USP39: variants seen among roughly 807,000 people sequenced by gnomAD.
USP39 encodes the protein ubiquitin carboxyl-terminal hydrolase 39.
USP39 carries 38 observed loss-of-function variants against 66.4 expected under a neutral mutation model. The ratio of observed to expected loss-of-function variants is 0.57; its 90% CI spans 0.44 to 0.75. The LOEUF is 0.75. Ranked by LOEUF, USP39 falls within the 30% of genes least tolerant of loss-of-function variation. USP39 has a pLI of 0.00. For missense variants in USP39, 608 were observed against 714.4 expected (o/e 0.85, Z 1.70); for synonymous variants, 303 against 274.6 (o/e 1.10, Z -1.02).
At chr2:85,613,865 C>T (rs1430237704), upstream of USP39, among the ~76,000 whole-genome samples, 2 of 152,150 alleles carry the variant, frequency 1.3e-5, no homozygotes, top group South Asian at 2.1e-4. Flanking sequence ...GCAGCCTCCA[C>T]CTCTCAGGCC....
chr2:85,619,366 A>G, intron 2 of USP39, 77 bp downstream of exon 2: 1 of 1,461,808 alleles, frequency 6.8e-7, no homozygotes, highest in Non-Finnish European at 9.4e-7. Context: ...TGTACAGTGA[A>G]CAACACATTG....
At chr2:85,632,281 T>C (rs1401417384) in intron 6 of USP39, among the ~76,000 whole-genome samples, 1 of 151,974 alleles carries the variant, frequency 6.6e-6, no homozygotes, top group Admixed American at 6.6e-5. Flanking sequence ...AAAGGTTGAG[T>C]GTGCTGGCAG....
upstream of USP39, among the ~76,000 whole-genome samples, chr2:85,612,962 C>CTTT (rs374731788): frequency 6.9e-6 from 1 of 144,732 alleles, no homozygotes; most frequent in African/African-American, 2.5e-5. Flanking sequence ...TGCCCGGCCC[C>CTTT]TTTTTTTTTT....
chr2:85,645,791 T>G (rs1676599202), intron 11 of USP39: 1 of 152,230 alleles, frequency 6.6e-6, no homozygotes, highest in Non-Finnish European at 1.5e-5. Flanking sequence ...CTTTTCTGTT[T>G]GATGTCTTTT....
At chr2:85,613,954 G>GT (rs1673745087), upstream of USP39, among the ~76,000 whole-genome samples, 3 of 149,258 alleles carry the variant, frequency 2.0e-5, no homozygotes, top group African/African-American at 7.7e-5. Context: ...TGTGGAGATG[G>GT]GGGGGGTCTC....
At chr2:85,637,346 T>C in intron 7 of USP39, 23 bp from the exon 8 acceptor site, 1 of 1,613,938 alleles carries the variant, frequency 6.2e-7, no homozygotes, top group Non-Finnish European at 8.5e-7. Flanking sequence ...ACGGAATTTG[T>C]CTCTTGCTTC....
At chr2:85,613,305 G>A (rs374616778), upstream of USP39, among the ~76,000 whole-genome samples, 76 of 152,140 alleles carry the variant, frequency 5.0e-4, 2 homozygotes, top group South Asian at 0.011. Flanking sequence ...TCAGGAGTTC[G>A]AGACTAGCCT....
At chr2:85,611,550 G>C, upstream of USP39, 1 of 1,551,058 alleles carries the variant, frequency 6.4e-7, no homozygotes, top group Middle Eastern at 1.7e-4. Context: ...TGGAGGTTCC[G>C]GAAAGAGACG....
chr2:85,632,204 G>T (rs1675402730), intron 6 of USP39, among the ~76,000 whole-genome samples: 1 of 152,156 alleles, frequency 6.6e-6, no homozygotes, highest in South Asian at 2.1e-4. Flanking sequence ...TTTTAGAGCA[G>T]CAGGGATAAG....
At position 85,639,290 on chromosome 2, in the gene USP39, C is replaced by T. The variant is rs1477416742; in HGVS notation, c.1183C>T (p.Leu395Phe). The change falls in exon 9 of 13, where the codon CTT becomes TTT. Residue 395 changes from leucine (L) to phenylalanine (F), a missense_variant. By Grantham distance (22) the Leu-to-Phe change is conservative. This residue lies in a region of USP39 where 164 missense variants were observed against 250.3 expected (regional missense o/e 0.66). Transcript: ENST00000323701. Reference protein sequence around the residue: ...ESTFMYLTLDLPTAPLYKDEK... With the variant: ...ESTFMYLTLDFPTAPLYKDEK... ...CACTTTTATGTACCTGACGCTGGACCTTCCTACTGCCCCCCTCTACAAGGA... is the reference window on the plus strand; with the variant it reads ...CACTTTTATGTACCTGACGCTGGACTTTCCTACTGCCCCCCTCTACAAGGA... 6.2e-7 allele frequency: 1 copy of T among 1,613,878 alleles called. No homozygotes were observed. The highest frequency in any genetic ancestry group is 8.5e-7 in the Non-Finnish European group (1 of 1,180,024).
At chr2:85,606,900 GC>G (rs1175674131) in intron 1 of USP39, 1 of 151,790 alleles carries the variant, frequency 6.6e-6, no homozygotes, top group African/African-American at 2.4e-5. Context: ...TCTTGCCTCG[GC>G]CTCCCGAGTA....
upstream of USP39, chr2:85,611,612 G>C (rs1057965): frequency 1.3e-6 from 2 of 1,557,776 alleles, no homozygotes; most frequent in South Asian, 1.2e-5. Flanking sequence ...TAGAGAAGGG[G>C]AGTGCGTTGC....
At chr2:85,637,340 A>C in intron 7 of USP39, 29 bp from the exon 8 acceptor site, 2 of 1,613,068 alleles carry the variant, frequency 1.2e-6, no homozygotes, top group Non-Finnish European at 1.7e-6. Context: ...ATCCTCACGG[A>C]ATTTGTCTCT....
At chr2:85,619,886 T>G (rs1003364122) in intron 2 of USP39, among the ~76,000 whole-genome samples, 10 of 151,660 alleles carry the variant, frequency 6.6e-5, no homozygotes, top group African/African-American at 2.2e-4. Flanking sequence ...TGGAGTTTCA[T>G]TTTTGTCCCC....
At chr2:85,641,241 C>T (rs927507052) in intron 10 of USP39, 123 bp downstream of exon 10, 1 of 1,196,566 alleles carries the variant, frequency 8.4e-7, no homozygotes. Context: ...AGCCTACCTA[C>T]AGTAGATAAG....
intron 10 of USP39, among the ~76,000 whole-genome samples, chr2:85,641,373 A>G (rs1676222304): frequency 6.6e-6 from 1 of 152,224 alleles, no homozygotes; most frequent in Non-Finnish European, 1.5e-5. Context: ...TCCTGCGTAG[A>G]GAAGAAGAAA....
chr2:85,630,893 T>A lies in USP39; in HGVS notation c.896T>A (p.Met299Lys). 2 of 1,614,234 alleles carry A rather than the reference T, an allele frequency of 1.2e-6. No individual in the cohort carries two copies. Among genetic ancestry groups the A allele is most frequent in the Non-Finnish European group, 1.7e-6 (2 of 1,180,046 alleles). The change falls in exon 6 of 13, where the codon ATG (methionine) becomes AAG (lysine). Residue 299 changes from methionine to lysine, a missense_variant. Coordinates refer to ENST00000323701, the MANE Select transcript of USP39 (RefSeq NM_006590.4). ...AAGGCACATGTGTCTCCCCATGAGA[T>A]GCTTCAGGCAGTTGTACTTTGCAGT... ...NFKAHVSPHE[M>K]LQAVVLCSKK...
At chr2:85,614,054 C>T (rs1053417591), upstream of USP39, among the ~76,000 whole-genome samples, 11 of 151,988 alleles carry the variant, frequency 7.2e-5, no homozygotes, top group Admixed American at 2.0e-4. Flanking sequence ...TAAGTGTGAG[C>T]CACCGTACTG....
In USP39 at chr2:85,630,713, A is replaced by G; in HGVS notation, c.724-8A>G. ...GGCTTTGGGTTAATCGGAGTGTTTG[A>G]TTTTTAGGCTCTATCTAATGTTCCT... On this transcript the variant is annotated splice_polypyrimidine_tract_variant and splice_region_variant and intron_variant, in intron 5 of 12. Transcript: ENST00000323701. The G allele has an allele frequency of 1.2e-6, 2 of 1,613,828 alleles. No homozygotes were observed. The highest frequency in any genetic ancestry group is 3.3e-4 in the Middle Eastern group (2 of 6,058).
Sources: allele counts gnomAD v4.1 joint callset (sites outside exome capture counted in the v4.1 genomes callset), GRCh38; gene constraint gnomAD v4.1.1; regional missense constraint gnomAD v4.1.1; transcripts MANE v1.5; gene names NCBI Gene and HGNC (gene_info 2026-07-23, HGNC 2026-07-21).